Variants in LRBA observed in about 807,000 individuals in gnomAD.
LRBA encodes lipopolysaccharide-responsive and beige-like anchor protein.
A neutral mutation model predicts 330.0 loss-of-function variants in LRBA; 176 were observed. The ratio of observed to expected loss-of-function variants is 0.53; its 90% confidence interval spans 0.47 to 0.60. LRBA has a LOEUF of 0.60. LRBA is among the 20% of genes least tolerant of loss of function. The pLI is 0.00. For missense variants in LRBA, 3,259 were observed against 3,444.8 expected (o/e 0.95, Z 1.35); for synonymous variants, 1,230 against 1,193.0 (o/e 1.03, Z -0.64).
At chr4:150,706,564 T>C (rs1332477450) in intron 36 of LRBA, among the ~76,000 whole-genome samples, 3 of 150,926 alleles carry the variant, frequency 2.0e-5, no homozygotes, top group Admixed American at 1.3e-4. Context: ...CAAACAGAAA[T>C]TGAGATCCAT....
chr4:150,489,281 T>TATATAAGAATATATAAAATATTAC (rs1561250507), intron 41 of LRBA, among the ~76,000 whole-genome samples: 1 of 39,010 alleles, frequency 2.6e-5, no homozygotes, highest in African/African-American at 9.3e-5. Flanking sequence ...TAATATATTA[T>TATATAAGAATATATAAAATATTAC]ATATAAGAAT....
At position 150,579,454 on chromosome 4, in the gene LRBA, T is replaced by C. The variant is rs559750570; in HGVS notation, c.6330+8594A>G. The C allele has an allele frequency of 5.0e-4, 204 of 407,848 alleles. 3 individuals carry two copies. The highest frequency in any genetic ancestry group is 3.6e-3 in the South Asian group (198 of 55,284). 25.3% of individuals were successfully genotyped at this position (407,848 alleles called of 1,614,324 possible). Reference sequence around the variant, plus strand: ...TTATTGCTCGAATGATGTTTCTAATTAGTACCACGGCCATAAATTAAAGTC... The same window carrying C: ...TTATTGCTCGAATGATGTTTCTAATCAGTACCACGGCCATAAATTAAAGTC... On this transcript the variant is annotated intron_variant, in intron 40 of 56. Coordinates refer to ENST00000651943, the MANE Select transcript of LRBA (RefSeq NM_001364905.1).
intron 37 of LRBA, among the ~76,000 whole-genome samples, chr4:150,639,213 G>A (rs1778243022): frequency 7.8e-6 from 1 of 127,638 alleles, no homozygotes; most frequent in African/African-American, 2.9e-5. Flanking sequence ...TGGGGTAGGG[G>A]AAGGGGGGAG....
intron 47 of LRBA, among the ~76,000 whole-genome samples, chr4:150,372,437 C>A (rs1740480406): frequency 6.6e-6 from 1 of 151,498 alleles, no homozygotes; most frequent in African/African-American, 2.4e-5. Flanking sequence ...TGGCGAAACA[C>A]CCTCTCTACA....
chr4:150,423,075 G>A (rs1490338924), intron 46 of LRBA: 2 of 801,196 alleles, frequency 2.5e-6, no homozygotes, highest in Admixed American at 3.4e-5. Context: ...AGGTGGGTGT[G>A]ACCTCTGGGG....
chr4:150,816,698 T>C (rs746345589), intron 31 of LRBA, among the ~76,000 whole-genome samples: 4 of 151,880 alleles, frequency 2.6e-5, no homozygotes, highest in Non-Finnish European at 4.4e-5. Flanking sequence ...TTGGACACTA[T>C]ATAAATATTT....
At chr4:150,736,957 T>A (rs1731260971) in intron 35 of LRBA, among the ~76,000 whole-genome samples, 2 of 152,178 alleles carry the variant, frequency 1.3e-5, no homozygotes, top group African/African-American at 2.4e-5. Context: ...CTCACACCTG[T>A]AATCCCAGCA....
intron 40 of LRBA, among the ~76,000 whole-genome samples, chr4:150,542,616 T>C (rs1765431238): frequency 6.6e-6 from 1 of 152,210 alleles, no homozygotes; most frequent in Admixed American, 6.5e-5. Flanking sequence ...ATACTGAATT[T>C]GTTTTCTGCA....
chr4:150,289,857 A>G (rs1276298687), intron 53 of LRBA, among the ~76,000 whole-genome samples: 1 of 152,252 alleles, frequency 6.6e-6, no homozygotes, highest in Non-Finnish European at 1.5e-5. Flanking sequence ...ATTTAAATCT[A>G]ACAGGTCAAA....
At chr4:150,752,167 T>G (rs996747741) in intron 35 of LRBA, among the ~76,000 whole-genome samples, 11 of 152,216 alleles carry the variant, frequency 7.2e-5, no homozygotes, top group African/African-American at 2.2e-4. Context: ...ATATGAGAAC[T>G]ACTAAAGCCT....
chr4:150,907,633 A>G (rs913760289), intron 11 of LRBA, among the ~76,000 whole-genome samples: 8 of 152,168 alleles, frequency 5.3e-5, no homozygotes, highest in African/African-American at 1.7e-4. Context: ...GAGAGAATGT[A>G]AAAGTATTTA....
intron 22 of LRBA, among the ~76,000 whole-genome samples, chr4:150,866,296 T>C (rs1453419692): frequency 6.6e-6 from 1 of 152,140 alleles, no homozygotes; most frequent in African/African-American, 2.4e-5. Context: ...GGTACAAACA[T>C]AAAACTCCAA....
Position 150,321,441 on chromosome 4 carries a change from A to C in LRBA, c.7453-73T>G. 7.6e-7 allele frequency: 1 copy of C among 1,314,562 alleles called. No individual in the cohort carries two copies. Among genetic ancestry groups the C allele is most frequent in the Non-Finnish European group, 1.0e-6 (1 of 972,448 alleles). 81.4% of individuals were successfully genotyped at this position (1,314,562 alleles called of 1,614,324 possible). ...CAAGAAGGAAAAGATGAAGAAAGACAAGAAAGAGAGGGGGTGCAGGAAAAG... is the reference window on the plus strand; with the variant it reads ...CAAGAAGGAAAAGATGAAGAAAGACCAGAAAGAGAGGGGGTGCAGGAAAAG... On this transcript the variant is annotated intron_variant, in intron 49 of 56. Transcript: ENST00000651943. The surrounding 1 kb of genome is among the most constrained non-coding windows in gnomAD (Gnocchi z 4.5).
intron 34 of LRBA, among the ~76,000 whole-genome samples, chr4:150,791,510 G>A (rs1186058613): frequency 6.6e-6 from 1 of 152,158 alleles, no homozygotes; most frequent in Non-Finnish European, 1.5e-5. Flanking sequence ...ACACATGTTT[G>A]CTAAATAAAT....
chr4:150,655,361 C>T (rs901803711), intron 37 of LRBA, among the ~76,000 whole-genome samples: 9 of 152,246 alleles, frequency 5.9e-5, no homozygotes, highest in African/African-American at 2.2e-4. Context: ...TATTCAGCTT[C>T]CAACACTGGA....
Position 150,808,348 on chromosome 4 carries a change from CT to C in LRBA, c.5355del (p.Val1786PhefsTer9). Reference sequence around the variant, plus strand: ...ATATTTGAAACCGGATCTTGTGAAACTGAATCAACTGTTGGAACTGAGGGCA... The same window carrying C: ...ATATTTGAAACCGGATCTTGTGAAACGAATCAACTGTTGGAACTGAGGGCA... Reference protein sequence around the residue: ...AKLPSVPTVDSVSQDPVSNMS... With the variant: ...AKLPSVPTVDXVSQDPVSNMS... On this transcript the variant is annotated frameshift_variant, in exon 32 of 57. Transcript: ENST00000651943. LOFTEE classifies it high-confidence loss of function. 6.2e-7 allele frequency: 1 copy of C among 1,612,288 alleles called. No homozygotes were observed. Among genetic ancestry groups the C allele is most frequent in the Non-Finnish European group, 8.5e-7 (1 of 1,178,922 alleles).
chr4:150,635,585 G>A (rs576721719), intron 37 of LRBA, among the ~76,000 whole-genome samples: 5 of 152,222 alleles, frequency 3.3e-5, no homozygotes, highest in African/African-American at 1.2e-4. Flanking sequence ...CTTATGGAGA[G>A]GGCAAACCTT....
At chr4:150,941,379 C>T (rs1430561349) in intron 2 of LRBA, among the ~76,000 whole-genome samples, 4 of 152,014 alleles carry the variant, frequency 2.6e-5, no homozygotes, top group Non-Finnish European at 5.9e-5. Flanking sequence ...TCTCAAACTC[C>T]TGACCTTGTG....
chr4:150,672,071 A>G, intron 37 of LRBA, among the ~76,000 whole-genome samples: 1 of 152,232 alleles, frequency 6.6e-6, no homozygotes, highest in Non-Finnish European at 1.5e-5. Flanking sequence ...TCATTTTGTT[A>G]GTCAAAAGCA....
Sources: allele counts gnomAD v4.1 joint callset (sites outside exome capture counted in the v4.1 genomes callset), GRCh38; gene constraint gnomAD v4.1.1; non-coding constraint Gnocchi (gnomAD v3.1); transcripts MANE v1.5; gene names NCBI Gene and HGNC (gene_info 2026-07-23, HGNC 2026-07-21).